WNT7B: variants seen among roughly 807,000 people sequenced by gnomAD.
WNT7B encodes the protein protein Wnt-7b.
Under a neutral mutation model 38.2 loss-of-function variants are expected in WNT7B, and 19 were observed. That is an observed-to-expected ratio of 0.50 (90% CI 0.35 to 0.73). WNT7B has a LOEUF of 0.73. Ranked by LOEUF, WNT7B falls within the 30% of genes least tolerant of loss-of-function variation. WNT7B has a pLI of 0.01. For missense variants in WNT7B, 423 were observed against 507.9 expected (o/e 0.83, Z 1.61); for synonymous variants, 243 against 209.3 (o/e 1.16, Z -1.39).
At chr22:45,973,951 C>T (rs758129135) in intron 1 of WNT7B, among the ~76,000 whole-genome samples, 19 of 152,104 alleles carry the variant, frequency 1.2e-4, no homozygotes, top group Non-Finnish European at 2.2e-4. Flanking sequence ...ATACCCCATC[C>T]ATGCATACAA....
At chr22:45,949,810 C>T in intron 2 of WNT7B, 110 bp downstream of exon 2, 5 of 1,096,964 alleles carry the variant, frequency 4.6e-6, no homozygotes, top group Non-Finnish European at 6.4e-6. Context: ...GAAATTGGCC[C>T]CCCAGGAGAT....
At position 45,925,822 on chromosome 22, in the gene WNT7B, T is replaced by G. The variant is rs1931065659; in HGVS notation, c.571-2487A>C. The G allele has an allele frequency of 3.0e-6, 3 of 985,194 alleles. No individual in the cohort carries two copies. The African/African-American group carries it at 5.2e-5, about 17-fold the overall frequency. 61.0% of individuals were successfully genotyped at this position (985,194 alleles called of 1,614,324 possible). ...CCCCACCCCGGGCTGCTCACCCTCC[T>G]CAGATGGGCCTGGATGGCCGGAGAC... On this transcript the variant is annotated intron_variant, in intron 3 of 3. Transcript: ENST00000339464.
chr22:45,935,957 G>A, intron 2 of WNT7B: 5 of 985,370 alleles, frequency 5.1e-6, no homozygotes, highest in Non-Finnish European at 6.0e-6. Context: ...GGGGGGCCTA[G>A]GGGCCTCTCT....
chr22:45,925,600 C>T, intron 3 of WNT7B: 1 of 985,208 alleles, frequency 1.0e-6, no homozygotes, highest in Non-Finnish European at 1.2e-6. Context: ...CTGTCCATCA[C>T]CCCAGCTCCC....
intron 1 of WNT7B, among the ~76,000 whole-genome samples, chr22:45,960,987 A>G (rs1932183388): frequency 6.6e-6 from 1 of 152,140 alleles, no homozygotes; most frequent in Non-Finnish European, 1.5e-5. Flanking sequence ...GAGGTCATTC[A>G]GCAGACCCCA....
chr22:45,972,116 G>GGGCCCCCCCCCCCCCCCCCCC, intron 1 of WNT7B: 6 of 530,726 alleles, frequency 1.1e-5, no homozygotes, highest in East Asian at 3.7e-5. Context: ...CCCGGGGGGA[G>GGGCCCCCCCCCCCCCCCCCCC]CCCACCCGCC....
chr22:45,932,452 C>T (rs1320431626), intron 2 of WNT7B, among the ~76,000 whole-genome samples: 1 of 151,590 alleles, frequency 6.6e-6, no homozygotes. Flanking sequence ...GGTACCTGAC[C>T]CTTCAGTTCC....
At chr22:45,940,539 TG>T (rs1931619922) in intron 2 of WNT7B, among the ~76,000 whole-genome samples, 1 of 152,240 alleles carries the variant, frequency 6.6e-6, no homozygotes, top group Admixed American at 6.5e-5. Context: ...CCCTCCTGGC[TG>T]GACCTCCCAG....
Position 45,954,453 on chromosome 22 carries a change from T to C in WNT7B, c.72-4307A>G, listed in dbSNP as rs4074030. 8.5e-3 allele frequency among the ~76,000 whole-genome samples: 1,293 copies of C among 152,338 alleles called. 18 individuals carry two copies. Among genetic ancestry groups the C allele is most frequent in the African/African-American group, 0.03 (1,231 of 41,578 alleles). On this transcript the variant is annotated intron_variant, in intron 1 of 3. Coordinates refer to ENST00000339464, the MANE Select transcript of WNT7B (RefSeq NM_058238.3). Reference sequence around the variant, plus strand: ...CCACGATTTTAAAAAACTCTATCTATACACGGGACTTCTGCACCCCAGTGA... The same window carrying C: ...CCACGATTTTAAAAAACTCTATCTACACACGGGACTTCTGCACCCCAGTGA...
In WNT7B at chr22:45,931,189, A is replaced by C; in HGVS notation, c.479T>G (p.Ile160Ser). The C allele has an allele frequency of 6.3e-7, 1 of 1,599,588 alleles. No individual in the cohort carries two copies. The highest frequency in any genetic ancestry group is 8.5e-7 in the Non-Finnish European group (1 of 1,179,772). Residue 160 changes from isoleucine (I) to serine (S), a missense_variant, in exon 3 of 4, where the codon ATC becomes AGC. Ile to Ser is a moderately radical substitution (Grantham distance 142). Around this residue, in one of 3 missense-constraint regions of WNT7B, gnomAD observed 132 missense variants for 113.4 expected, o/e 1.16. Transcript: ENST00000339464. ...GGCSADVRYG[I>S]DFSRRFVDAR... ...GTCCACGAAGCGCCGGGAGAAGTCG[A>C]TGCCGTAACGCACGTCGGCCGAGCA...
At chr22:45,935,962 C>G (rs1388761027) in intron 2 of WNT7B, 26 of 985,204 alleles carry the variant, frequency 2.6e-5, no homozygotes, top group Non-Finnish European at 3.1e-5. Flanking sequence ...GCCTAGGGGC[C>G]TCTCTGAAGA....
chr22:45,927,456 C>A, intron 3 of WNT7B: 2 of 1,548,960 alleles, frequency 1.3e-6, no homozygotes, highest in South Asian at 1.2e-5. Flanking sequence ...GCATAGCAAC[C>A]CCCCAAATTC....
intron 2 of WNT7B, among the ~76,000 whole-genome samples, chr22:45,933,776 T>C (rs1218277970): frequency 2.0e-5 from 3 of 152,140 alleles, no homozygotes; most frequent in African/African-American, 7.2e-5. Flanking sequence ...TGTGTGGCTG[T>C]GACAGGCGTG....
At chr22:45,962,604 G>A (rs1445342455) in intron 1 of WNT7B, among the ~76,000 whole-genome samples, 1 of 152,254 alleles carries the variant, frequency 6.6e-6, no homozygotes, top group Non-Finnish European at 1.5e-5. Context: ...TCCTGAGGAA[G>A]CCGTTGGGAC....
intron 2 of WNT7B, among the ~76,000 whole-genome samples, chr22:45,947,586 C>T (rs774535787): frequency 6.6e-6 from 1 of 152,114 alleles, no homozygotes; most frequent in Non-Finnish European, 1.5e-5. Context: ...CAGAGCGGGG[C>T]GAGGGGGCCA....
intron 1 of WNT7B, among the ~76,000 whole-genome samples, chr22:45,952,018 G>C (rs533349691): frequency 2.3e-4 from 35 of 152,206 alleles, no homozygotes; most frequent in Admixed American, 8.5e-4. Flanking sequence ...TGGAAGGAGG[G>C]GGGCGGCTGG....
At chr22:45,936,191 G>C (rs1032275483) in intron 2 of WNT7B, 24 of 984,362 alleles carry the variant, frequency 2.4e-5, no homozygotes, top group Non-Finnish European at 2.9e-5. Context: ...CTGGTGCCTC[G>C]GCAAGTTACC....
At chr22:45,943,636 C>T (rs889638133) in intron 2 of WNT7B, among the ~76,000 whole-genome samples, 2 of 152,190 alleles carry the variant, frequency 1.3e-5, no homozygotes, top group Non-Finnish European at 1.5e-5. Flanking sequence ...TCCTGGCGGG[C>T]GGTTCCCTGA....
At chr22:45,929,717 A>G (rs1931252026) in intron 3 of WNT7B, among the ~76,000 whole-genome samples, 1 of 91,970 alleles carries the variant, frequency 1.1e-5, no homozygotes, top group African/African-American at 4.4e-5. Context: ...TCCACCCGTG[A>G]ATCCACTCAC....
Sources: gnomAD v4.1 joint callset for allele counts (sites outside exome capture counted in the v4.1 genomes callset) on GRCh38, gnomAD v4.1.1 for gene constraint, gnomAD v4.1.1 regional missense constraint, MANE v1.5 for transcripts, NCBI Gene and HGNC (gene_info 2026-07-23, HGNC 2026-07-21) for gene names.